The following TBL1XR1 variants were observed in gnomAD, a reference collection of about 807,000 sequenced individuals.
TBL1XR1 encodes the protein F-box-like/WD repeat-containing protein TBL1XR1.
In TBL1XR1, 5 loss-of-function variants were observed where a neutral mutation model predicts 66.9. The observed-to-expected ratio is 0.07, with a 90% confidence interval of 0.04 to 0.16. The LOEUF (loss-of-function observed/expected upper bound fraction) is 0.16. TBL1XR1 is among the 10% of genes least tolerant of loss of function. The pLI is 1.00. For missense variants in TBL1XR1, 238 were observed against 623.2 expected, an observed-to-expected ratio of 0.38 and a Z score of 6.58; for synonymous variants, 210 against 206.0, an observed-to-expected ratio of 1.02 and a Z score of -0.17.
chr3:177,090,968 G>A (rs1722761338), intron 2 of TBL1XR1, among the ~76,000 whole-genome samples: 1 of 152,000 alleles, frequency 6.6e-6, no homozygotes, highest in Admixed American at 6.6e-5. Flanking sequence ...CTACCTGGGT[G>A]ACTGAGTGAC....
At chr3:177,174,378 C>G (rs1016120773) in intron 1 of TBL1XR1, among the ~76,000 whole-genome samples, 2 of 129,034 alleles carry the variant, frequency 1.5e-5, no homozygotes, top group African/African-American at 5.8e-5. Flanking sequence ...CACTGCACTC[C>G]GGCCTGGGTG....
intron 1 of TBL1XR1, among the ~76,000 whole-genome samples, chr3:177,110,199 C>T (rs1263828088): frequency 6.6e-6 from 1 of 151,952 alleles, no homozygotes; most frequent in Admixed American, 6.6e-5. Context: ...TAACTGTAAC[C>T]CAGAGTCTAT....
intron 1 of TBL1XR1, among the ~76,000 whole-genome samples, chr3:177,176,050 C>A (rs982196335): frequency 6.8e-6 from 1 of 146,426 alleles, no homozygotes; most frequent in African/African-American, 2.6e-5. Context: ...CAGAGCGAGA[C>A]TCTGTCTCTA....
intron 14 of TBL1XR1, among the ~76,000 whole-genome samples, chr3:177,028,408 C>T (rs894569034): frequency 2.6e-5 from 4 of 152,114 alleles, no homozygotes; most frequent in Non-Finnish European, 5.9e-5. Context: ...CAGTTCTATG[C>T]CCAAATTTCA....
intron 14 of TBL1XR1, 69 bp downstream of exon 14, chr3:177,032,902 C>G: frequency 7.9e-7 from 1 of 1,259,700 alleles, no homozygotes; most frequent in Non-Finnish European, 1.0e-6. Flanking sequence ...AATGGTGAGG[C>G]AGAGTGTATA....
upstream of TBL1XR1, among the ~76,000 whole-genome samples, chr3:177,197,855 G>T (rs1452174493): frequency 6.8e-6 from 1 of 146,846 alleles, no homozygotes; most frequent in Admixed American, 6.8e-5. Context: ...CGCCCGCCCC[G>T]CCCCCACCGC....
intron 2 of TBL1XR1, among the ~76,000 whole-genome samples, chr3:177,065,965 T>G (rs561645317): frequency 2.0e-5 from 3 of 152,268 alleles, no homozygotes; most frequent in Admixed American, 1.3e-4. Flanking sequence ...CTTATAAAAA[T>G]GTAAAGACCT....
intron 3 of TBL1XR1, 70 bp from the exon 4 acceptor site, chr3:177,053,988 A>G (rs1717452801): frequency 1.4e-6 from 2 of 1,478,446 alleles, no homozygotes; most frequent in Non-Finnish European, 1.8e-6. Flanking sequence ...ACAGAAAGAA[A>G]GATCACCATC....
chr3:177,089,882 G>A (rs1372505621), intron 2 of TBL1XR1, among the ~76,000 whole-genome samples: 2 of 152,176 alleles, frequency 1.3e-5, no homozygotes, highest in Non-Finnish European at 1.5e-5. Context: ...ATGAAAAGAT[G>A]CAAATTAGAA....
chr3:177,195,188 T>C (rs1369214971), intron 1 of TBL1XR1, among the ~76,000 whole-genome samples: 6 of 151,858 alleles, frequency 4.0e-5, no homozygotes, highest in Admixed American at 3.9e-4. Context: ...CAGTGCAGGA[T>C]AGGGTTGAAA....
chr3:177,097,846 C>T (rs1723688676), intron 2 of TBL1XR1, among the ~76,000 whole-genome samples: 1 of 152,166 alleles, frequency 6.6e-6, no homozygotes, highest in Admixed American at 6.5e-5. Context: ...AAACACAAGA[C>T]CATCACGATA....
chr3:177,087,184 T>C (rs1258708432), intron 2 of TBL1XR1: 1 of 149,030 alleles, frequency 6.7e-6, no homozygotes, highest in Non-Finnish European at 1.5e-5. Flanking sequence ...TCAACTATAC[T>C]AACCCTTCCA....
At chr3:177,097,606 G>A (rs1020023081) in intron 2 of TBL1XR1, among the ~76,000 whole-genome samples, 1 of 151,986 alleles carries the variant, frequency 6.6e-6, no homozygotes, top group African/African-American at 2.4e-5. Flanking sequence ...ACAGTGAAAG[G>A]CTTCTTAAAA....
At chr3:177,159,614 A>G (rs1221185271) in intron 1 of TBL1XR1, among the ~76,000 whole-genome samples, 1 of 152,200 alleles carries the variant, frequency 6.6e-6, no homozygotes, top group Non-Finnish European at 1.5e-5. Context: ...ACCCCTTTGA[A>G]GCACTAAAGA....
rs1015785146 is a variant in TBL1XR1, at chr3:177,098,374, T to C, written c.-46+92A>G. ...TTACTTAGCTTGGGAACACATGTAT[T>C]TTGTCAAATTGTGAGAAACTTTCAA... is the stretch of plus-strand genomic sequence containing the variant. On this transcript the variant is annotated intron_variant, in intron 2 of 15. Coordinates refer to ENST00000457928, the MANE Select transcript of TBL1XR1 (RefSeq NM_024665.7). The C allele has an allele frequency of 4.2e-6, 3 of 716,032 alleles. No individual in the cohort carries two copies. In the African/African-American group the frequency reaches 5.8e-5, roughly 14 times the overall value. 44.4% of individuals were successfully genotyped at this position (716,032 alleles called of 1,614,324 possible).
intron 1 of TBL1XR1, among the ~76,000 whole-genome samples, chr3:177,188,243 T>C (rs1232122737): frequency 6.6e-6 from 1 of 151,804 alleles, no homozygotes; most frequent in East Asian, 2.0e-4. Context: ...AGAATACAAT[T>C]TCATATAAAA....
Position 177,021,352 on chromosome 3 carries a change from A to G in TBL1XR1, c.*4146T>C, listed in dbSNP as rs1213248990. ...AACTTATCCGGAAATTCCAAAGAAA[A>G]CATCATGAAACAGCTTACAAAAAAA... is the stretch of plus-strand genomic sequence containing the variant. On this transcript the variant is annotated 3_prime_UTR_variant, in exon 16 of 16. Transcript: ENST00000457928. 1 of 147,776 alleles carries G rather than the reference A, an allele frequency of 6.8e-6. No individual in the cohort carries two copies. The highest frequency in any genetic ancestry group is 1.5e-5 in the Non-Finnish European group (1 of 66,956). The allele number at this position is 147,776 out of a possible 1,614,324, so 9.2% of individuals were successfully genotyped here. A position where few individuals can be genotyped will look rare whatever the true frequency, so the allele number is the denominator to read the frequency against.
At chr3:177,043,691 A>G (rs1464363934) in intron 10 of TBL1XR1, among the ~76,000 whole-genome samples, 1 of 151,770 alleles carries the variant, frequency 6.6e-6, no homozygotes, top group Non-Finnish European at 1.5e-5. Context: ...ATTTACACTT[A>G]TTTTGCTTTG....
At chr3:177,181,816 A>C in intron 1 of TBL1XR1, among the ~76,000 whole-genome samples, 1 of 117,292 alleles carries the variant, frequency 8.5e-6, no homozygotes, top group African/African-American at 2.9e-5. Context: ...TAAGGGTTCA[A>C]GTTAGGAAAA....
Sources: gnomAD v4.1 joint callset for allele counts (sites outside exome capture counted in the v4.1 genomes callset) on GRCh38, gnomAD v4.1.1 for gene constraint, MANE v1.5 for transcripts, NCBI Gene and HGNC (gene_info 2026-07-23, HGNC 2026-07-21) for gene names.